Variants in CCDC110 observed in about 807,000 individuals in gnomAD.
The protein encoded by CCDC110 is coiled-coil domain-containing protein 110.
In CCDC110, 70 loss-of-function variants were observed where a neutral mutation model predicts 77.1. That is an observed-to-expected ratio of 0.91 (90% CI 0.75 to 1.11). The LOEUF is 1.11. Among genes scored for constraint, CCDC110 ranks in the 50% least tolerant of loss-of-function variants. The probability of loss-of-function intolerance (pLI) is 0.00; values close to 1 mark genes in which losing one functional copy is unlikely to be tolerated. For missense variants in CCDC110, 868 were observed against 942.9 expected (o/e 0.92, Z 1.04); for synonymous variants, 295 against 312.5 (o/e 0.94, Z 0.59).
At chr4:185,449,373 T>G (rs2095624542) in intron 6 of CCDC110, among the ~76,000 whole-genome samples, 1 of 151,984 alleles carries the variant, frequency 6.6e-6, no homozygotes, top group South Asian at 2.1e-4. Context: ...ATATAAAAAT[T>G]AGCCAGGCAT....
chr4:185,458,705 CTT>C lies in CCDC110; in HGVS notation c.1880_1881del (p.Gln627ArgfsTer11). On this transcript the variant is annotated frameshift_variant, in exon 6 of 7. Coordinates refer to ENST00000307588, the MANE Select transcript of CCDC110 (RefSeq NM_152775.4). LOFTEE classifies it high-confidence loss of function. ...GTTTCTATTATTTGAAGAAGTGTCT[CTT>C]GTTCCGTTTTTGCCAATCTTTCTTT... ...KEKERLAKTE[Q>X]ETLLQIIETV... The C allele has an allele frequency of 6.2e-7, 1 of 1,604,356 alleles. No homozygotes were observed. The highest frequency in any genetic ancestry group is 1.1e-5 in the South Asian group (1 of 87,754).
At chr4:185,449,588 A>G (rs1198675771) in intron 6 of CCDC110, 1 of 1,530,412 alleles carries the variant, frequency 6.5e-7, no homozygotes, top group Admixed American at 2.1e-5. Context: ...TTTATTTTCC[A>G]ATTTTAGGGC....
chr4:185,450,211 A>G (rs1388475958), intron 6 of CCDC110, among the ~76,000 whole-genome samples: 1 of 152,216 alleles, frequency 6.6e-6, no homozygotes, highest in African/African-American at 2.4e-5. Flanking sequence ...GTAAAGCATC[A>G]GGTTATTTAG....
In CCDC110 at chr4:185,471,656, G is replaced by A. The variant is rs1035181401; in HGVS notation, c.10+18C>T. 6.4e-7 allele frequency: 1 copy of A among 1,562,218 alleles called. No individual in the cohort carries two copies. Among genetic ancestry groups the A allele is most frequent in the Non-Finnish European group, 8.6e-7 (1 of 1,158,214 alleles). ...TTCCCGCGGCTCCCCTAGGAGCCCC[G>A]CCCCGTCCAACTCTTACCCGGGCTC... On this transcript the variant is annotated intron_variant, in intron 1 of 6. Transcript: ENST00000307588.
rs537536407 is a variant in CCDC110, at chr4:185,463,128, C to T, written c.116-79G>A. On this transcript the variant is annotated intron_variant, in intron 2 of 6. Transcript: ENST00000307588. Reference sequence around the variant, plus strand: ...AAAACCTGTAATAGAAAGCAGTCTCCTAACTTGCTTGGATAGTGAGGCAGA... The same window carrying T: ...AAAACCTGTAATAGAAAGCAGTCTCTTAACTTGCTTGGATAGTGAGGCAGA... The T allele has an allele frequency of 6.0e-5, 65 of 1,074,666 alleles. No individual in the cohort carries two copies. In the South Asian group the frequency reaches 8.1e-4, roughly 13 times the overall value. The allele number at this position is 1,074,666 out of a possible 1,614,324, so 66.6% of individuals were successfully genotyped here.
At chr4:185,467,489 T>C (rs899142508) in intron 2 of CCDC110, among the ~76,000 whole-genome samples, 36 of 152,136 alleles carry the variant, frequency 2.4e-4, no homozygotes, top group African/African-American at 8.5e-4. Flanking sequence ...CTGCTAAACA[T>C]ACAATATCGG....
At position 185,458,174 on chromosome 4, in the gene CCDC110, C is replaced by T. The variant is rs147851012; in HGVS notation, c.2413G>A (p.Glu805Lys). ...CTACTCTGAGGACTAGAAGTATCTT[C>T]GTGAGTATAGTTGTCAAAATGGAAT... ...EKFHFDNYTH[E>K]DTSSPQSRPL... Residue 805 changes from glutamate to lysine, a missense_variant, in exon 6 of 7, where the codon GAA becomes AAA. Physicochemically the swap from Glu to Lys is moderately conservative, Grantham distance 56 (BLOSUM62 1). Transcript: ENST00000307588. The T allele has an allele frequency of 3.1e-4, 497 of 1,598,958 alleles. 1 individual carries two copies. Among genetic ancestry groups the T allele is most frequent in the Non-Finnish European group, 4.0e-4 (475 of 1,175,776 alleles).
At chr4:185,447,342 C>A (rs1052508220) in intron 6 of CCDC110, among the ~76,000 whole-genome samples, 1 of 151,788 alleles carries the variant, frequency 6.6e-6, no homozygotes, top group Admixed American at 6.6e-5. Flanking sequence ...CCACCACGCC[C>A]GGCTAATTTT....
intron 5 of CCDC110, 77 bp downstream of exon 5, chr4:185,460,972 T>C (rs774789423): frequency 1.7e-5 from 6 of 347,082 alleles, no homozygotes; most frequent in South Asian, 5.4e-5. Flanking sequence ...AAGAGGACCA[T>C]GTAAAGTGAA....
chr4:185,470,480 C>T (rs957349911), intron 2 of CCDC110: 4 of 336,968 alleles, frequency 1.2e-5, no homozygotes, highest in Admixed American at 3.8e-5. Flanking sequence ...GAATATTTTC[C>T]ATCTGTGGTT....
chr4:185,456,334 T>A (rs4862533), intron 6 of CCDC110, among the ~76,000 whole-genome samples: 101,322 of 151,996 alleles, frequency 0.67, 34,804 homozygotes, highest in Middle Eastern at 0.76. Flanking sequence ...TCTGTGATGC[T>A]ATTAATGCAG....
intron 6 of CCDC110, among the ~76,000 whole-genome samples, chr4:185,446,137 A>G (rs539853390): frequency 6.6e-6 from 1 of 152,290 alleles, no homozygotes; most frequent in South Asian, 2.1e-4. Flanking sequence ...CACTGCGCCC[A>G]GCACAAAGGT....
chr4:185,461,119 A>G lies in CCDC110; in HGVS notation c.278T>C (p.Ile93Thr), dbSNP rs2095645573. The G allele has an allele frequency of 6.3e-6, 10 of 1,596,666 alleles. No individual in the cohort carries two copies. Among genetic ancestry groups the G allele is most frequent in the South Asian group, 1.1e-5 (1 of 87,598 alleles). ...GCTAAATTGTGGGTTTTCTACTTCA[A>G]TAATACTTTTGTTCAATATTTCACT... ...EISEILNKSIIEVENPQFSSE... is the reference protein window; with the variant it reads ...EISEILNKSITEVENPQFSSE... The change falls in exon 5 of 7, where the codon ATT becomes ACT. Residue 93 changes from isoleucine to threonine, a missense_variant. Physicochemically the swap from Ile to Thr is moderately conservative, Grantham distance 89. Transcript: ENST00000307588.
intron 1 of CCDC110, 48 bp from the exon 2 acceptor site, chr4:185,471,097 C>A (rs772996641): frequency 5.9e-5 from 14 of 237,324 alleles, no homozygotes; most frequent in Non-Finnish European, 9.4e-5. Flanking sequence ...CGTGGCGTGG[C>A]GGGGCTGAAG....
chr4:185,456,814 C>A (rs2095636634), intron 6 of CCDC110, among the ~76,000 whole-genome samples: 1 of 151,336 alleles, frequency 6.6e-6, no homozygotes, highest in Non-Finnish European at 1.5e-5. Flanking sequence ...ATATATTTTA[C>A]AAATATGTAT....
chr4:185,471,489 A>ACAGCGGACGCAGGGGGCCG, intron 1 of CCDC110, 185 bp downstream of exon 1: 1 of 602,322 alleles, frequency 1.7e-6, no homozygotes, highest in Non-Finnish European at 2.7e-6. Context: ...CCTGTAAGCC[A>ACAGCGGACGCAGGGGGCCG]CAGCGGACGC....
intron 6 of CCDC110, chr4:185,449,525 A>G: frequency 9.4e-7 from 1 of 1,064,438 alleles, no homozygotes; most frequent in South Asian, 1.5e-5. Flanking sequence ...CCGGTCTTAA[A>G]AAAAAAAAAG....
chr4:185,467,531 C>G (rs1561170634), intron 2 of CCDC110, among the ~76,000 whole-genome samples: 1 of 152,018 alleles, frequency 6.6e-6, no homozygotes, highest in South Asian at 2.1e-4. Context: ...AGGCATGGTC[C>G]CACCCACCAA....
At chr4:185,450,161 T>C (rs968619140) in intron 6 of CCDC110, among the ~76,000 whole-genome samples, 12 of 152,242 alleles carry the variant, frequency 7.9e-5, no homozygotes, top group African/African-American at 2.9e-4. Context: ...AGGCAAATGC[T>C]TCAGCTTATA....
Sources: gnomAD v4.1 joint callset for allele counts (sites outside exome capture counted in the v4.1 genomes callset) on GRCh38, gnomAD v4.1.1 for gene constraint, MANE v1.5 for transcripts, NCBI Gene and HGNC (gene_info 2026-07-23, HGNC 2026-07-21) for gene names.